Variants in DHRS9 observed in about 807,000 individuals in gnomAD.
DHRS9 encodes the protein dehydrogenase/reductase SDR family member 9.
In DHRS9, 18 loss-of-function variants were observed where a neutral mutation model predicts 26.6. The ratio of observed to expected loss-of-function variants is 0.68; its 90% CI spans 0.47 to 1.00. The LOEUF (loss-of-function observed/expected upper bound fraction) is 1.00. Ranked by LOEUF, DHRS9 falls within the 50% of genes least tolerant of loss-of-function variation. The pLI is 0.00. For missense variants in DHRS9, 425 were observed against 378.7 expected (o/e 1.12, Z -1.01); for synonymous variants, 134 against 141.1 (o/e 0.95, Z 0.36).
chr2:169,072,091 T>C (rs1049824746), intron 1 of DHRS9, among the ~76,000 whole-genome samples: 11 of 151,930 alleles, frequency 7.2e-5, no homozygotes, highest in Admixed American at 3.9e-4. Context: ...AAAAGGAATG[T>C]TGTGTTAAGT....
chr2:169,086,985 T>C (rs1684372328), intron 3 of DHRS9, among the ~76,000 whole-genome samples: 2 of 152,190 alleles, frequency 1.3e-5, no homozygotes, highest in Admixed American at 1.3e-4. Context: ...CTACTGCCTA[T>C]GTTTACTCAA....
intron 1 of DHRS9, among the ~76,000 whole-genome samples, chr2:169,080,217 G>T (rs142804484): frequency 0.012 from 1,858 of 152,242 alleles, 13 homozygotes; most frequent in Non-Finnish European, 0.018. Context: ...GAGTCTCAGG[G>T]TGGGTCAAGA....
intron 3 of DHRS9, among the ~76,000 whole-genome samples, chr2:169,087,535 T>C (rs936792227): frequency 1.3e-5 from 2 of 152,008 alleles, no homozygotes; most frequent in Non-Finnish European, 2.9e-5. Context: ...TACTCTTCCG[T>C]CTCCTTTTCT....
chr2:169,075,351 G>T (rs186894853), intron 1 of DHRS9, among the ~76,000 whole-genome samples: 1 of 152,084 alleles, frequency 6.6e-6, no homozygotes, highest in Admixed American at 6.6e-5. Flanking sequence ...ATAGGTGCAT[G>T]TGTGGTTTTA....
rs566339339 is a variant in DHRS9, at chr2:169,083,667, AG to A, written c.572+81del. 679 of 1,491,690 alleles carry A rather than the reference AG, an allele frequency of 4.6e-4. 11 individuals carry two copies. The South Asian group carries it at 7.9e-3, about 17-fold the overall frequency. 92.4% of individuals were successfully genotyped at this position (1,491,690 alleles called of 1,614,324 possible). ...TGCTTATGTACAAGACATCCTATTT[AG>A]TACCTTTCAAAAAGTCTACCATATT... is the stretch of plus-strand genomic sequence containing the variant. On this transcript the variant is annotated intron_variant, in intron 3 of 4. Coordinates refer to ENST00000674881, the MANE Select transcript of DHRS9 (RefSeq NM_001376924.1).
Position 169,095,855 on chromosome 2 carries a change from T to G in DHRS9, c.*88T>G. On this transcript the variant is annotated 3_prime_UTR_variant, in exon 5 of 5. Transcript: ENST00000674881. ...CTTTTCAACCCCATTCCTTATCTGC[T>G]CCAACCTGGACTCATTTAGATCGTG... The G allele has an allele frequency of 7.5e-6, 9 of 1,194,196 alleles. No individual in the cohort carries two copies. Among genetic ancestry groups the G allele is most frequent in the Non-Finnish European group, 1.1e-5 (9 of 824,268 alleles). The allele number at this position is 1,194,196 out of a possible 1,614,324, so 74.0% of individuals were successfully genotyped here.
At chr2:169,076,050 T>C (rs1209720919) in intron 1 of DHRS9, among the ~76,000 whole-genome samples, 2 of 152,214 alleles carry the variant, frequency 1.3e-5, no homozygotes, top group African/African-American at 4.8e-5. Context: ...CCTGAAACCA[T>C]TGTTGCTATG....
intron 3 of DHRS9, among the ~76,000 whole-genome samples, chr2:169,084,950 G>A (rs959086621): frequency 4.6e-5 from 7 of 152,100 alleles, no homozygotes; most frequent in Non-Finnish European, 8.8e-5. Flanking sequence ...TCTTGTAGTA[G>A]TTTCAGAGTT....
intron 1 of DHRS9, among the ~76,000 whole-genome samples, chr2:169,079,002 C>T (rs1159959541): frequency 6.6e-6 from 1 of 151,572 alleles, no homozygotes; most frequent in African/African-American, 2.4e-5. Context: ...CACCCTCCAC[C>T]ACACCCAGCT....
At chr2:169,070,522 A>G in intron 1 of DHRS9, 5 of 985,446 alleles carry the variant, frequency 5.1e-6, no homozygotes, top group Non-Finnish European at 6.0e-6. Context: ...TTATCCTAGT[A>G]TCCCTCGGCA....
At chr2:169,086,586 T>G (rs1031928233) in intron 3 of DHRS9, among the ~76,000 whole-genome samples, 1 of 152,126 alleles carries the variant, frequency 6.6e-6, no homozygotes, top group African/African-American at 2.4e-5. Flanking sequence ...AGTTAGGTAT[T>G]TATTGCAGTC....
chr2:169,074,315 C>T lies in DHRS9; in HGVS notation c.-60+4598C>T, dbSNP rs1683896820. The stretch of plus-strand genomic sequence containing the variant: ...CGAGGGCCCTCTGATGATAGTGAAA[C>T]TGGGATGGAACCTCTGCCTGCTTGC... On this transcript the variant is annotated intron_variant, in intron 1 of 4. Coordinates refer to ENST00000674881, the MANE Select transcript of DHRS9 (RefSeq NM_001376924.1). 5 of 985,310 alleles carry T rather than the reference C, an allele frequency of 5.1e-6. No homozygotes were observed. In the South Asian group the frequency reaches 1.9e-4, roughly 37 times the overall value. 61.0% of individuals were successfully genotyped at this position (985,310 alleles called of 1,614,324 possible). A position where few individuals can be genotyped will look rare whatever the true frequency, so the allele number is the denominator to read the frequency against.
intron 1 of DHRS9, among the ~76,000 whole-genome samples, chr2:169,073,269 A>C (rs1683862536): frequency 6.6e-6 from 1 of 152,232 alleles, no homozygotes; most frequent in Admixed American, 6.5e-5. Flanking sequence ...TCAGTCCCGG[A>C]ATTGCCACTA....
chr2:169,087,565 C>T (rs913942835), intron 3 of DHRS9, among the ~76,000 whole-genome samples: 2 of 152,096 alleles, frequency 1.3e-5, no homozygotes, highest in African/African-American at 4.8e-5. Context: ...GGAGTCTCCC[C>T]CTATAGCCAT....
At chr2:169,067,120 T>A, upstream of DHRS9, 1 of 1,534,750 alleles carries the variant, frequency 6.5e-7, no homozygotes, top group Non-Finnish European at 8.7e-7. Flanking sequence ...CCACTGAGAA[T>A]GACTTGAGAG....
intron 3 of DHRS9, among the ~76,000 whole-genome samples, chr2:169,089,541 T>A (rs967160204): frequency 2.1e-4 from 32 of 152,364 alleles, no homozygotes; most frequent in African/African-American, 7.7e-4. Context: ...TTCCTTTGAT[T>A]CATCCATTTA....
At chr2:169,090,574 A>G (rs977176003) in intron 3 of DHRS9, among the ~76,000 whole-genome samples, 1 of 152,234 alleles carries the variant, frequency 6.6e-6, no homozygotes, top group African/African-American at 2.4e-5. Flanking sequence ...CTAAGAAAAA[A>G]TAAATTACAT....
chr2:169,071,020 C>T (rs1179592453), intron 1 of DHRS9, among the ~76,000 whole-genome samples: 3 of 151,730 alleles, frequency 2.0e-5, no homozygotes, highest in South Asian at 2.1e-4. Flanking sequence ...GCTGAGATCA[C>T]GCCACTGCAC....
intron 3 of DHRS9, among the ~76,000 whole-genome samples, chr2:169,088,940 C>A (rs1684435649): frequency 6.6e-6 from 1 of 152,182 alleles, no homozygotes; most frequent in Admixed American, 6.5e-5. Flanking sequence ...GCATGCTGTC[C>A]AAGCTTTATA....
Sources: gnomAD v4.1 joint callset for allele counts (sites outside exome capture counted in the v4.1 genomes callset) on GRCh38, gnomAD v4.1.1 for gene constraint, MANE v1.5 for transcripts, NCBI Gene and HGNC (gene_info 2026-07-23, HGNC 2026-07-21) for gene names.